SLC26A2: variants seen among roughly 807,000 people sequenced by gnomAD.
SLC26A2 encodes solute carrier family 26 member 2.
Under a neutral mutation model 41.1 loss-of-function variants are expected in SLC26A2, and 36 were observed. The ratio of observed to expected loss-of-function variants is 0.88; its 90% confidence interval spans 0.67 to 1.16. SLC26A2 has a LOEUF of 1.16. Among genes scored for constraint, SLC26A2 ranks in the 50% most tolerant of loss-of-function variants. The pLI is 0.00. For synonymous variants in SLC26A2, 291 were observed against 311.6 expected, an observed-to-expected ratio of 0.93 and a Z score of 0.70; for missense variants, 796 against 869.6, an observed-to-expected ratio of 0.92 and a Z score of 1.07.
intron 1 of SLC26A2, among the ~76,000 whole-genome samples, chr5:149,973,101 T>G (rs944057288): frequency 7.2e-5 from 11 of 152,170 alleles, no homozygotes; most frequent in East Asian, 1.9e-4. Context: ...GGAGGATCAC[T>G]TGAGCCCAGG....
chr5:149,963,088 ATTTATTTATTTATT>A (rs1754740616), intron 1 of SLC26A2, among the ~76,000 whole-genome samples: 7 of 149,970 alleles, frequency 4.7e-5, no homozygotes, highest in African/African-American at 7.4e-5. Flanking sequence ...TGCTATATTT[ATTTATTTATTTATT>A]TATTTATTTA....
At chr5:149,967,321 CTG>C (rs1754822416) in intron 1 of SLC26A2, among the ~76,000 whole-genome samples, 1 of 152,162 alleles carries the variant, frequency 6.6e-6, no homozygotes, top group Non-Finnish European at 1.5e-5. Context: ...ATACATAAAA[CTG>C]TCACCACAAT....
Position 149,983,457 on chromosome 5 carries a change from G to C in SLC26A2, c.*1644G>C, listed in dbSNP as rs1755141067. On this transcript the variant is annotated 3_prime_UTR_variant, in exon 3 of 3. Coordinates refer to ENST00000286298, the MANE Select transcript of SLC26A2 (RefSeq NM_000112.4). ...AATTTTGACATCCTTTTAGAACTTGGGTCTGGAATTCCAGAAATGTTAATT... is the reference window on the plus strand; with the variant it reads ...AATTTTGACATCCTTTTAGAACTTGCGTCTGGAATTCCAGAAATGTTAATT... 2 of 152,112 alleles carry C rather than the reference G, an allele frequency of 1.3e-5. No homozygotes were observed. The highest frequency in any genetic ancestry group is 2.4e-5 in the African/African-American group (1 of 41,508). 9.4% of individuals were successfully genotyped at this position (152,112 alleles called of 1,614,324 possible).
intron 1 of SLC26A2, among the ~76,000 whole-genome samples, chr5:149,976,202 G>A (rs552087437): frequency 1.3e-5 from 2 of 151,480 alleles, no homozygotes; most frequent in African/African-American, 2.4e-5. Flanking sequence ...AGTCACAAAT[G>A]TTTGTTCATT....
At chr5:149,973,112 A>G (rs1211934536) in intron 1 of SLC26A2, among the ~76,000 whole-genome samples, 1 of 152,098 alleles carries the variant, frequency 6.6e-6, no homozygotes, top group Non-Finnish European at 1.5e-5. Context: ...TGAGCCCAGG[A>G]GTTTGAGACC....
rs565684484 is a variant in SLC26A2 at position 149,977,642 on chromosome 5, T to C, written c.-11T>C. 6.3e-6 allele frequency: 10 copies of C among 1,588,516 alleles called. No homozygotes were observed. In the South Asian group the frequency reaches 1.1e-4, roughly 18 times the overall value. On this transcript the variant is annotated 5_prime_UTR_variant, in exon 2 of 3. Transcript: ENST00000286298. The stretch of plus-strand genomic sequence containing the variant: ...CTCTGGTGTAGGAAGCTGAACCATC[T>C]ATCTCCAGAAATGTCTTCAGAAAGT...
intron 1 of SLC26A2, among the ~76,000 whole-genome samples, chr5:149,970,489 T>G (rs1055521931): frequency 6.6e-6 from 1 of 151,976 alleles, no homozygotes; most frequent in Non-Finnish European, 1.5e-5. Context: ...CTAACCTGAG[T>G]GACAGAGTGA....
At chr5:149,975,101 C>T (rs373667329) in intron 1 of SLC26A2, among the ~76,000 whole-genome samples, 13 of 151,876 alleles carry the variant, frequency 8.6e-5, no homozygotes, top group African/African-American at 3.1e-4. Flanking sequence ...TGATGTGTCC[C>T]GCAGCTCTTG....
chr5:149,966,120 G>T (rs999108360), intron 1 of SLC26A2, among the ~76,000 whole-genome samples: 3 of 152,192 alleles, frequency 2.0e-5, no homozygotes, highest in Non-Finnish European at 4.4e-5. Flanking sequence ...GGCCAGGCTG[G>T]TCTTGGACTC....
intron 1 of SLC26A2, among the ~76,000 whole-genome samples, chr5:149,964,900 A>T (rs951535015): frequency 1.8e-4 from 27 of 152,278 alleles, no homozygotes; most frequent in Middle Eastern, 3.4e-3. Flanking sequence ...CAAAATAAAA[A>T]TTTTTTTTAA....
Position 149,981,424 on chromosome 5 carries a change from G to T in SLC26A2, c.1831G>T (p.Val611Leu), listed in dbSNP as rs764181468. ...KQTVNPILIK[V>L]AWKKAAKRKI... is the part of the protein sequence containing the mutation. ...AACTGTCAACCCAATCTTAATAAAG[G>T]TGGCTTGGAAGAAGGCAGCAAAGAG... The change falls in exon 3 of 3, where the codon GTG becomes TTG. Residue 611 changes from valine to leucine, a missense_variant. Transcript: ENST00000286298. 6.8e-6 allele frequency: 11 copies of T among 1,613,926 alleles called. No homozygotes were observed. In the African/African-American group the frequency reaches 8.0e-5, roughly 12 times the overall value.
rs1449484447 is a variant in SLC26A2 at position 149,986,208 on chromosome 5, A to C, written c.*4395A>C. ...TCCTTGAGCCTAAAATAAAAAGAAA[A>C]AATTAAAAAGAATCAGTTTTTTTAA... On this transcript the variant is annotated 3_prime_UTR_variant, in exon 3 of 3. Coordinates refer to ENST00000286298, the MANE Select transcript of SLC26A2 (RefSeq NM_000112.4). 6.6e-6 allele frequency: 1 copy of C among 152,126 alleles called. No homozygotes were observed. The highest frequency in any genetic ancestry group is 1.9e-4 in the East Asian group (1 of 5,202). The allele number at this position is 152,126 out of a possible 1,614,324, so 9.4% of individuals were successfully genotyped here. A position where few individuals can be genotyped will look rare whatever the true frequency, so the allele number is the denominator to read the frequency against.
chr5:149,973,186 T>A (rs1754934680), intron 1 of SLC26A2, among the ~76,000 whole-genome samples: 1 of 152,116 alleles, frequency 6.6e-6, no homozygotes, highest in Admixed American at 6.6e-5. Flanking sequence ...CAGAAAATTT[T>A]AAAAAGACTT....
At position 149,980,781 on chromosome 5, in the gene SLC26A2, C is replaced by T. The variant is rs1755082955; in HGVS notation, c.1188C>T (p.Ile396=). The stretch of plus-strand genomic sequence containing the variant: ...CTATTTCCATCATTGGTTTTGCTAT[C>T]ACTGTATCACTTTCTGAGATGTTTG... The part of the protein sequence containing the change: ...AIAISIIGFA[I]TVSLSEMFAK... Residue 396 remains isoleucine (I), a synonymous_variant, in exon 3 of 3, where the codon ATC becomes ATT. Transcript: ENST00000286298. 2 of 1,613,828 alleles carry T rather than the reference C, an allele frequency of 1.2e-6. No individual in the cohort carries two copies. Among genetic ancestry groups the T allele is most frequent in the South Asian group, 1.1e-5 (1 of 91,072 alleles).
chr5:149,982,143 G>T lies in SLC26A2; in HGVS notation c.*330G>T, dbSNP rs191884433. On this transcript the variant is annotated 3_prime_UTR_variant, in exon 3 of 3. Transcript: ENST00000286298. ...TTTAGGGGTTATACATTTGGACTGT[G>T]CATTCTCCAAGAGATGAAGCGGTGA... is the stretch of plus-strand genomic sequence containing the variant. 5.5e-3 allele frequency: 1,259 copies of T among 227,100 alleles called. 3 individuals carry two copies. The highest frequency in any genetic ancestry group is 7.1e-3 in the Non-Finnish European group (826 of 116,392). The allele number at this position is 227,100 out of a possible 1,614,324, so 14.1% of individuals were successfully genotyped here. A position where few individuals can be genotyped will look rare whatever the true frequency, so the allele number is the denominator to read the frequency against.
chr5:149,981,149 T>C lies in SLC26A2; in HGVS notation c.1556T>C (p.Met519Thr), dbSNP rs115232988. Residue 519 changes from methionine (M) to threonine (T), a missense_variant, in exon 3 of 3, where the codon ATG (methionine) becomes ACG (threonine). Transcript: ENST00000286298. The stretch of plus-strand genomic sequence containing the variant: ...GATACAGTTATCTGGTTTGTTACTA[T>C]GCTGTCCTCTGCACTGCTAAGTACT... ...RMDTVIWFVT[M>T]LSSALLSTEI... 9.3e-6 allele frequency: 15 copies of C among 1,614,214 alleles called. No homozygotes were observed. The African/African-American group carries it at 2.0e-4, about 22-fold the overall frequency.
chr5:149,960,812 C>G lies in SLC26A2; in HGVS notation c.-193C>G, dbSNP rs999102157. ...TTCGCCGGTGCGTCCTCGCCGCGCC[C>G]GTAGGTCCCGGCAGCCGGGCCCCGC... On this transcript the variant is annotated 5_prime_UTR_variant, in exon 1 of 3. Coordinates refer to ENST00000286298, the MANE Select transcript of SLC26A2 (RefSeq NM_000112.4). The G allele has an allele frequency of 6.6e-6, 1 of 152,356 alleles. No individual in the cohort carries two copies. Among genetic ancestry groups the G allele is most frequent in the African/African-American group, 2.4e-5 (1 of 41,462 alleles). 9.4% of individuals were successfully genotyped at this position (152,356 alleles called of 1,614,324 possible). A position where few individuals can be genotyped will look rare whatever the true frequency, so the allele number is the denominator to read the frequency against.
intron 1 of SLC26A2, among the ~76,000 whole-genome samples, chr5:149,964,716 G>T (rs1475725516): frequency 6.6e-6 from 1 of 151,858 alleles, no homozygotes; most frequent in Non-Finnish European, 1.5e-5. Flanking sequence ...GGAGGAGCTT[G>T]CAGTGAGCCA....
intron 1 of SLC26A2, among the ~76,000 whole-genome samples, chr5:149,964,317 A>G (rs1754766447): frequency 6.6e-6 from 1 of 151,668 alleles, no homozygotes; most frequent in African/African-American, 2.4e-5. Context: ...CACGGCGAAA[A>G]CCTGTCTCTA....
Sources: gnomAD v4.1 joint callset for allele counts (sites outside exome capture counted in the v4.1 genomes callset) on GRCh38, gnomAD v4.1.1 for gene constraint, MANE v1.5 for transcripts, NCBI Gene and HGNC (gene_info 2026-07-23, HGNC 2026-07-21) for gene names.